Variants in RBFOX1 observed in about 807,000 individuals in gnomAD.
RBFOX1 encodes RNA binding fox-1 homolog 1.
A neutral mutation model predicts 57.7 loss-of-function variants in RBFOX1; 8 were observed. The observed-to-expected ratio is 0.14, with a 90% CI of 0.08 to 0.25. The LOEUF (loss-of-function observed/expected upper bound fraction) is 0.25, where lower values mean the gene tolerates loss of function less well. RBFOX1 is among the 10% of genes least tolerant of loss of function. RBFOX1 has a pLI of 1.00. For missense variants in RBFOX1, 611 were observed against 548.5 expected (o/e 1.11, Z -1.14); for synonymous variants, 326 against 222.4 (o/e 1.47, Z -4.15).
chr16:6,899,087 TATA>T (rs1192444374), intron 3 of RBFOX1, among the ~76,000 whole-genome samples: 2 of 108,040 alleles, frequency 1.9e-5, no homozygotes, highest in Admixed American at 8.1e-5. Flanking sequence ...TGTACACGTG[TATA>T]ATGTGTGTAC....
intron 4 of RBFOX1, among the ~76,000 whole-genome samples, chr16:7,178,204 A>G (rs2082043671): frequency 6.6e-6 from 1 of 152,236 alleles, no homozygotes; most frequent in African/African-American, 2.4e-5. Context: ...ATCTCTAGGG[A>G]AACTTTCCTC....
intron 2 of RBFOX1, among the ~76,000 whole-genome samples, chr16:6,562,821 A>G (rs1041919246): frequency 7.0e-5 from 8 of 114,078 alleles, no homozygotes; most frequent in African/African-American, 2.5e-4. Context: ...GCAGGCCTTG[A>G]TTCTTGATTC....
At chr16:5,626,058 T>G (rs2048341751) in intron 3 of RBFOX1, among the ~76,000 whole-genome samples, 2 of 152,232 alleles carry the variant, frequency 1.3e-5, no homozygotes, top group South Asian at 4.1e-4. Flanking sequence ...GTATTTTCTT[T>G]TTAGTACAGA....
chr16:6,628,168 T>A (rs546061399), intron 2 of RBFOX1, among the ~76,000 whole-genome samples: 2 of 152,318 alleles, frequency 1.3e-5, no homozygotes, highest in Admixed American at 1.3e-4. Context: ...TTCTGCCTCT[T>A]CCTGCTTACG....
chr16:7,501,938 G>T (rs938006798), intron 4 of RBFOX1, among the ~76,000 whole-genome samples: 1 of 152,172 alleles, frequency 6.6e-6, no homozygotes. Context: ...ACATAGCACA[G>T]TCCCTGACAT....
At chr16:6,994,120 G>A (rs1596369233) in intron 3 of RBFOX1, among the ~76,000 whole-genome samples, 1 of 152,120 alleles carries the variant, frequency 6.6e-6, no homozygotes, top group East Asian at 1.9e-4. Flanking sequence ...TGCCCGTGAT[G>A]AGGGGAGTTT....
rs1271277029 is a variant in RBFOX1, at chr16:5,268,953, C to T, written c.219+28848C>T. Among the ~76,000 whole-genome samples, 6 of 150,208 alleles carry T rather than the reference C, an allele frequency of 4.0e-5. No individual in the cohort carries two copies. In the South Asian group the frequency reaches 6.3e-4, roughly 16 times the overall value. On this transcript the variant is annotated intron_variant, in intron 1 of 2. Coordinates refer to the RBFOX1 transcript ENST00000585867. ...TTTTTGAGACGAAGTCTTGCTCTGT[C>T]GCCCAGGCTAGAGTGCAGTGGCACA...
intron 1 of RBFOX1, among the ~76,000 whole-genome samples, chr16:6,069,278 A>G (rs796223556): frequency 7.2e-4 from 109 of 151,944 alleles, no homozygotes; most frequent in African/African-American, 2.4e-3. Flanking sequence ...CATACCTGTA[A>G]TTCCAACTAC....
At chr16:7,187,067 T>G (rs2084036825) in intron 4 of RBFOX1, among the ~76,000 whole-genome samples, 1 of 148,886 alleles carries the variant, frequency 6.7e-6, no homozygotes, top group South Asian at 2.1e-4. Flanking sequence ...ACTTGGGAGG[T>G]TGAGGTAGGA....
In RBFOX1 at chr16:6,733,618, G is replaced by A. The variant is rs61657578; in HGVS notation, c.-16+78968G>A. 1.1e-3 allele frequency among the ~76,000 whole-genome samples: 162 copies of A among 152,250 alleles called. 1 individual carries two copies. Among genetic ancestry groups the A allele is most frequent in the African/African-American group, 3.7e-3 (154 of 41,548 alleles). ...GAGATCCTTACAGGAAGTAGCCAGGGGTGGTGGTGTGCACCTGTAGTCCCA... is the reference window on the plus strand; with the variant it reads ...GAGATCCTTACAGGAAGTAGCCAGGAGTGGTGGTGTGCACCTGTAGTCCCA... On this transcript the variant is annotated intron_variant, in intron 3 of 15. Coordinates refer to ENST00000550418, the MANE Select transcript of RBFOX1 (RefSeq NM_018723.4).
At chr16:7,442,958 T>C (rs572936424) in intron 4 of RBFOX1, among the ~76,000 whole-genome samples, 39 of 152,326 alleles carry the variant, frequency 2.6e-4, no homozygotes, top group Non-Finnish European at 3.7e-4. Context: ...TCAAGCCATA[T>C]TGGGGATTTA....
chr16:5,555,226 G>A (rs1179572252), intron 2 of RBFOX1, among the ~76,000 whole-genome samples: 1 of 152,068 alleles, frequency 6.6e-6, no homozygotes, highest in African/African-American at 2.4e-5. Context: ...AAAAGTAATT[G>A]CGGTTTTTGC....
At chr16:5,604,800 G>A (rs1490570783), downstream of RBFOX1, among the ~76,000 whole-genome samples, 1 of 152,024 alleles carries the variant, frequency 6.6e-6, no homozygotes, top group African/African-American at 2.4e-5. Flanking sequence ...GGGCCCCCCG[G>A]GAACCAGACC....
chr16:7,415,845 C>G (rs1451223079), intron 4 of RBFOX1, among the ~76,000 whole-genome samples: 1 of 152,116 alleles, frequency 6.6e-6, no homozygotes. Context: ...AACTTAGCAT[C>G]CTCTCCCGGG....
intron 2 of RBFOX1, among the ~76,000 whole-genome samples, chr16:5,526,092 C>G (rs941646686): frequency 1.3e-5 from 2 of 151,850 alleles, no homozygotes; most frequent in Non-Finnish European, 2.9e-5. Flanking sequence ...GTACCAGCCC[C>G]TCTCTTTTAT....
At chr16:5,313,193 C>T (rs748347683) in intron 1 of RBFOX1, among the ~76,000 whole-genome samples, 1 of 152,176 alleles carries the variant, frequency 6.6e-6, no homozygotes, top group Non-Finnish European at 1.5e-5. Flanking sequence ...AAGTCATGCA[C>T]AGCCTGTTGA....
chr16:6,567,792 A>T (rs908278578), intron 2 of RBFOX1, among the ~76,000 whole-genome samples: 5 of 152,142 alleles, frequency 3.3e-5, no homozygotes, highest in Admixed American at 3.3e-4. Context: ...TTAGGGCTTT[A>T]TGGACAAACC....
intron 4 of RBFOX1, among the ~76,000 whole-genome samples, chr16:7,194,931 A>C (rs1330964607): frequency 6.6e-6 from 1 of 150,878 alleles, no homozygotes; most frequent in Non-Finnish European, 1.5e-5. Context: ...CTGTTTCACA[A>C]AAAAAAAAAA....
intron 1 of RBFOX1, among the ~76,000 whole-genome samples, chr16:5,400,274 G>C: frequency 6.6e-6 from 1 of 151,166 alleles, no homozygotes; most frequent in East Asian, 1.9e-4. Flanking sequence ...GTATTTTTCA[G>C]TAGAGATGGG....
Sources: allele counts gnomAD v4.1 joint callset (sites outside exome capture counted in the v4.1 genomes callset), GRCh38; gene constraint gnomAD v4.1.1; transcripts MANE v1.5; gene names NCBI Gene and HGNC (gene_info 2026-07-23, HGNC 2026-07-21).